Variants in METTL8 observed in about 807,000 individuals in gnomAD.
The protein encoded by METTL8 is tRNA N(3)-cytidine methyltransferase METTL8, mitochondrial.
In METTL8, 32 loss-of-function variants were observed where a neutral mutation model predicts 48.7. The observed-to-expected ratio is 0.66, with a 90% CI of 0.50 to 0.88. The LOEUF (loss-of-function observed/expected upper bound fraction) is 0.88. METTL8 is among the 40% of genes least tolerant of loss of function. METTL8 has a pLI of 0.00. For missense variants in METTL8, 464 were observed against 474.4 expected, an observed-to-expected ratio of 0.98 and a Z score of 0.20; for synonymous variants, 136 against 157.1, an observed-to-expected ratio of 0.87 and a Z score of 1.01.
intron 3 of METTL8, among the ~76,000 whole-genome samples, chr2:171,356,514 C>T (rs951191662): frequency 7.9e-5 from 12 of 152,092 alleles, no homozygotes; most frequent in African/African-American, 2.9e-4. Context: ...AACATGAGGT[C>T]TTAACCCTTC....
intron 2 of METTL8, among the ~76,000 whole-genome samples, chr2:171,379,505 T>C (rs189880944): frequency 3.3e-5 from 5 of 150,540 alleles, no homozygotes; most frequent in East Asian, 1.9e-4. Context: ...ATAAAATAGA[T>C]AGACTGCTAA....
At position 171,326,053 on chromosome 2, in the gene METTL8, C is replaced by A; in HGVS notation, c.956G>T (p.Arg319Leu). Residue 319 changes from arginine to leucine, a missense_variant, in exon 8 of 10, where the codon CGT (arginine) becomes CTT (leucine). Transcript: ENST00000375258. Reference sequence around the variant, plus strand: ...GAATATACTATTACCCTTTTTAAAACGAAGCTGAGTCTTATCATATCTTCC... The same window carrying A: ...GAATATACTATTACCCTTTTTAAAAAGAAGCTGAGTCTTATCATATCTTCC... Reference protein sequence around the residue: ...DYGRYDKTQLRFKKGHCLSEN... With the variant: ...DYGRYDKTQLLFKKGHCLSEN... 6.5e-7 allele frequency: 1 copy of A among 1,535,520 alleles called. No homozygotes were observed. The highest frequency in any genetic ancestry group is 8.8e-7 in the Non-Finnish European group (1 of 1,134,890).
At chr2:171,430,811 T>C (rs1160409297) in intron 1 of METTL8, among the ~76,000 whole-genome samples, 1 of 152,212 alleles carries the variant, frequency 6.6e-6, no homozygotes, top group Non-Finnish European at 1.5e-5. Flanking sequence ...CGAGAACCTC[T>C]CTTCCCATTT....
intron 2 of METTL8, among the ~76,000 whole-genome samples, chr2:171,371,569 C>G (rs1464491401): frequency 2.0e-5 from 3 of 151,978 alleles, no homozygotes; most frequent in African/African-American, 7.3e-5. Context: ...ATAGGCCAGG[C>G]TGGTCTTGAA....
rs1326529709 is a variant in METTL8 at position 171,323,677 on chromosome 2, C to A, written c.*495G>T. On this transcript the variant is annotated 3_prime_UTR_variant, in exon 10 of 10. Coordinates refer to ENST00000375258, the MANE Select transcript of METTL8 (RefSeq NM_001321154.2). ...CAAAAAAAAATTGGGAGAAAATAGA[C>A]AACAACAAGACAAAAAATAATACAC... 2 of 152,148 alleles carry A rather than the reference C, an allele frequency of 1.3e-5. No homozygotes were observed. The highest frequency in any genetic ancestry group is 2.4e-5 in the African/African-American group (1 of 41,386). The allele number at this position is 152,148 out of a possible 1,614,324, so 9.4% of individuals were successfully genotyped here.
At chr2:171,326,605 C>A (rs560062765) in intron 7 of METTL8, among the ~76,000 whole-genome samples, 6 of 152,278 alleles carry the variant, frequency 3.9e-5, no homozygotes, top group Admixed American at 6.5e-5. Context: ...TTCTCCTTTT[C>A]TTTATTTAGT....
intron 1 of METTL8, among the ~76,000 whole-genome samples, chr2:171,396,415 A>T (rs1047247990): frequency 1.1e-4 from 17 of 152,174 alleles, no homozygotes; most frequent in Non-Finnish European, 2.1e-4. Context: ...CTCTGGTAAC[A>T]GTCATTTTCT....
chr2:171,400,329 A>C (rs980704374), intron 1 of METTL8, among the ~76,000 whole-genome samples: 4 of 152,110 alleles, frequency 2.6e-5, no homozygotes, highest in African/African-American at 7.2e-5. Context: ...CATATAATTC[A>C]CCCATTTGCC....
rs1278895468 is a variant in METTL8, at chr2:171,326,044, T to C, written c.965A>G (p.Lys322Arg). 2 of 1,518,306 alleles carry C rather than the reference T, an allele frequency of 1.3e-6. No individual in the cohort carries two copies. Among genetic ancestry groups the C allele is most frequent in the Non-Finnish European group, 1.8e-6 (2 of 1,119,618 alleles). The allele number at this position is 1,518,306 out of a possible 1,614,324, so 94.1% of individuals were successfully genotyped here. Residue 322 changes from lysine to arginine, a missense_variant and splice_region_variant, in exon 8 of 10, where the codon AAG becomes AGG. Coordinates refer to ENST00000375258, the MANE Select transcript of METTL8 (RefSeq NM_001321154.2). Reference sequence around the variant, plus strand: ...CCTCAAACTGAATATACTATTACCCTTTTTAAAACGAAGCTGAGTCTTATC... The same window carrying C: ...CCTCAAACTGAATATACTATTACCCCTTTTAAAACGAAGCTGAGTCTTATC... ...RYDKTQLRFK[K>R]GHCLSENFYV...
At chr2:171,423,018 T>C (rs549130877) in intron 1 of METTL8, among the ~76,000 whole-genome samples, 1 of 152,256 alleles carries the variant, frequency 6.6e-6, no homozygotes, top group South Asian at 2.1e-4. Context: ...AATTGAATTA[T>C]GGGGGGTGGT....
chr2:171,340,127 G>T (rs1384924685), intron 3 of METTL8, among the ~76,000 whole-genome samples: 2 of 150,200 alleles, frequency 1.3e-5, no homozygotes, highest in Non-Finnish European at 2.9e-5. Context: ...GAACCTGGGA[G>T]GTGGAGGTTG....
chr2:171,368,862 C>T (rs921970442), intron 2 of METTL8, among the ~76,000 whole-genome samples: 8 of 151,288 alleles, frequency 5.3e-5, no homozygotes, highest in Admixed American at 1.3e-4. Context: ...TATAGTGAGA[C>T]CCGGTCTTAA....
At chr2:171,333,028 T>A (rs57425717) in intron 5 of METTL8, among the ~76,000 whole-genome samples, 53,978 of 151,316 alleles carry the variant, frequency 0.36, 10,344 homozygotes, top group African/African-American at 0.5. Context: ...AATATGGAAT[T>A]TATTTAGCTA....
chr2:171,386,190 A>G (rs997380044), intron 2 of METTL8, among the ~76,000 whole-genome samples: 1 of 152,194 alleles, frequency 6.6e-6, no homozygotes, highest in African/African-American at 2.4e-5. Context: ...GAGAATATAG[A>G]TAGCTAAATC....
At chr2:171,424,678 T>C (rs1692224626) in intron 1 of METTL8, among the ~76,000 whole-genome samples, 1 of 152,214 alleles carries the variant, frequency 6.6e-6, no homozygotes, top group Non-Finnish European at 1.5e-5. Context: ...TGTACCCCCA[T>C]TGTATCTAGG....
In METTL8 at chr2:171,339,372, G is replaced by A. The variant is rs141169319; in HGVS notation, c.418C>T (p.Arg140Cys). The A allele has an allele frequency of 8.1e-6, 13 of 1,612,934 alleles. No individual in the cohort carries two copies. Among genetic ancestry groups the A allele is most frequent in the Non-Finnish European group, 1.1e-5 (13 of 1,179,414 alleles). The change falls in exon 4 of 10, where the codon CGT becomes TGT. Residue 140 changes from arginine (R) to cysteine (C), a missense_variant. Coordinates refer to ENST00000375258, the MANE Select transcript of METTL8 (RefSeq NM_001321154.2). The stretch of plus-strand genomic sequence containing the variant: ...GTAGGACAGTGCATTCTTGAGAAAC[G>A]ATTTGTAGCACTAGTTTTTACATGA... ...WDHVKTSATNRFSRMHCPTVP... is the reference protein window; with the variant it reads ...WDHVKTSATNCFSRMHCPTVP...
intron 3 of METTL8, among the ~76,000 whole-genome samples, chr2:171,351,993 T>G (rs1170274297): frequency 6.6e-6 from 1 of 152,206 alleles, no homozygotes. Context: ...CTTCCAACAC[T>G]ATGTTGAGTA....
At chr2:171,415,988 G>A (rs201406098) in intron 1 of METTL8, among the ~76,000 whole-genome samples, 3 of 152,360 alleles carry the variant, frequency 2.0e-5, no homozygotes, top group African/African-American at 7.2e-5. Context: ...GGTAACAGGA[G>A]AATGTGGGAA....
chr2:171,399,915 G>T (rs1689478403), intron 1 of METTL8, among the ~76,000 whole-genome samples: 1 of 152,048 alleles, frequency 6.6e-6, no homozygotes, highest in Non-Finnish European at 1.5e-5. Context: ...GAGGCAGGAG[G>T]ATTGCTTGAG....
Sources: allele counts gnomAD v4.1 joint callset (sites outside exome capture counted in the v4.1 genomes callset), GRCh38; gene constraint gnomAD v4.1.1; transcripts MANE v1.5; gene names NCBI Gene and HGNC (gene_info 2026-07-23, HGNC 2026-07-21).